The following CNOT4 variants were observed in gnomAD, a reference collection of about 807,000 sequenced individuals.
CNOT4 encodes CCR4-NOT transcription complex subunit 4, also known as CCR4-associated factor 4.
CNOT4 carries 8 observed loss-of-function variants against 73.8 expected under a neutral mutation model. The ratio of observed to expected loss-of-function variants is 0.11; its 90% confidence interval spans 0.06 to 0.20. The LOEUF (loss-of-function observed/expected upper bound fraction) is 0.20, where lower values mean the gene tolerates loss of function less well. CNOT4 is among the 10% of genes least tolerant of loss of function. The pLI, the probability that CNOT4 is intolerant of heterozygous loss-of-function variation, is 1.00. For synonymous variants in CNOT4, 293 were observed against 321.1 expected (o/e 0.91, Z 0.94); for missense variants, 564 against 883.4 (o/e 0.64, Z 4.58).
chr7:135,443,539 A>G (rs993577779), intron 1 of CNOT4, among the ~76,000 whole-genome samples: 1 of 151,948 alleles, frequency 6.6e-6, no homozygotes, highest in Non-Finnish European at 1.5e-5. Flanking sequence ...ACGATTACTG[A>G]TGTTGGAGCT....
intron 10 of CNOT4, among the ~76,000 whole-genome samples, chr7:135,380,178 AAC>A (rs890263949): frequency 2.0e-5 from 3 of 152,156 alleles, no homozygotes; most frequent in African/African-American, 7.2e-5. Context: ...TATATGGTGT[AAC>A]ACAGAGTAGC....
At chr7:135,440,458 A>G (rs994144453) in intron 1 of CNOT4, among the ~76,000 whole-genome samples, 1 of 152,108 alleles carries the variant, frequency 6.6e-6, no homozygotes, top group Non-Finnish European at 1.5e-5. Flanking sequence ...TTTTGCCTTA[A>G]GTTACACACT....
chr7:135,439,320 T>G (rs1489449275), intron 1 of CNOT4, among the ~76,000 whole-genome samples: 1 of 152,158 alleles, frequency 6.6e-6, no homozygotes, highest in African/African-American at 2.4e-5. Context: ...AAAGGTTACA[T>G]ACAAGAATAA....
chr7:135,469,204 A>G (rs1801418546), intron 1 of CNOT4, among the ~76,000 whole-genome samples: 1 of 152,126 alleles, frequency 6.6e-6, no homozygotes, highest in Non-Finnish European at 1.5e-5. Flanking sequence ...AGTATCTAGT[A>G]TATACATCAG....
At chr7:135,407,702 T>TC (rs1307042735) in intron 7 of CNOT4, among the ~76,000 whole-genome samples, 1 of 151,050 alleles carries the variant, frequency 6.6e-6, no homozygotes, top group African/African-American at 2.4e-5. Flanking sequence ...TGTTTTTGTT[T>TC]TTTGTAGAGG....
At chr7:135,508,679 A>C (rs1452248977) in intron 1 of CNOT4, among the ~76,000 whole-genome samples, 1 of 152,264 alleles carries the variant, frequency 6.6e-6, no homozygotes, top group Non-Finnish European at 1.5e-5. Flanking sequence ...TCATCAATTA[A>C]GCTGAACATC....
chr7:135,500,062 C>T (rs1217567651), intron 1 of CNOT4, among the ~76,000 whole-genome samples: 1 of 152,162 alleles, frequency 6.6e-6, no homozygotes, highest in Admixed American at 6.5e-5. Flanking sequence ...TACTATGTTG[C>T]ATCATCTTAA....
chr7:135,492,018 C>A (rs768307338), intron 1 of CNOT4, among the ~76,000 whole-genome samples: 1 of 152,152 alleles, frequency 6.6e-6, no homozygotes, highest in African/African-American at 2.4e-5. Flanking sequence ...TCAATACATA[C>A]ATGTGGTGGC....
chr7:135,413,733 A>G (rs975663403), intron 5 of CNOT4, 120 bp from the exon 6 acceptor site: 1 of 853,680 alleles, frequency 1.2e-6, no homozygotes, highest in African/African-American at 1.7e-5. Flanking sequence ...GACAAAACAA[A>G]AAGTATGGCT....
At chr7:135,371,032 T>C (rs931546973) in intron 10 of CNOT4, among the ~76,000 whole-genome samples, 30 of 152,358 alleles carry the variant, frequency 2.0e-4, no homozygotes, top group African/African-American at 7.0e-4. Context: ...CTAAGATATA[T>C]TCTACCCATT....
chr7:135,362,515 G>C lies in CNOT4; in HGVS notation c.*370C>G. ...TCTGCAGTTGATAATGCATTTACTT[G>C]AGCTTTCCTATAGATTAATCGTCAT... On this transcript the variant is annotated 3_prime_UTR_variant, in exon 12 of 12. Transcript: ENST00000541284. The C allele has an allele frequency of 2.8e-6, 1 of 361,218 alleles. No homozygotes were observed. The highest frequency in any genetic ancestry group is 2.4e-5 in the South Asian group (1 of 41,096). The allele number at this position is 361,218 out of a possible 1,614,324, so 22.4% of individuals were successfully genotyped here. A position where few individuals can be genotyped will look rare whatever the true frequency, so the allele number is the denominator to read the frequency against.
intron 10 of CNOT4, chr7:135,387,821 T>C (rs1585567512): frequency 7.1e-6 from 7 of 980,370 alleles, no homozygotes; most frequent in Non-Finnish European, 8.5e-6. Context: ...TGATTAAAAT[T>C]ATCTGTTACA....
At chr7:135,468,684 C>CA (rs34174386) in intron 1 of CNOT4, among the ~76,000 whole-genome samples, 64,093 of 124,506 alleles carry the variant, frequency 0.51, 15,593 homozygotes, top group East Asian at 0.69. Context: ...GACTCTGTCT[C>CA]AAAAAAAAAA....
At chr7:135,455,869 A>ACAAC (rs1800494548) in intron 1 of CNOT4, among the ~76,000 whole-genome samples, 1 of 152,224 alleles carries the variant, frequency 6.6e-6, no homozygotes, top group Non-Finnish European at 1.5e-5. Flanking sequence ...CTGTCTCAAA[A>ACAAC]AAACAAACAA....
chr7:135,479,450 C>A (rs1437329168), intron 1 of CNOT4, among the ~76,000 whole-genome samples: 2 of 151,676 alleles, frequency 1.3e-5, no homozygotes, highest in Admixed American at 1.3e-4. Flanking sequence ...ACCTTGTGAT[C>A]CGCCCGCCTC....
chr7:135,429,768 G>T (rs1191119673), intron 2 of CNOT4, among the ~76,000 whole-genome samples: 2 of 152,122 alleles, frequency 1.3e-5, no homozygotes, highest in Admixed American at 6.5e-5. Flanking sequence ...GAAGAAACAG[G>T]CAATGAACAG....
intron 10 of CNOT4, among the ~76,000 whole-genome samples, chr7:135,366,193 T>C (rs148463926): frequency 1.3e-5 from 2 of 152,278 alleles, no homozygotes; most frequent in Admixed American, 6.5e-5. Flanking sequence ...GAATATCCCA[T>C]AACTCAGAAC....
At chr7:135,504,411 T>C (rs1006541366) in intron 1 of CNOT4, among the ~76,000 whole-genome samples, 1 of 147,744 alleles carries the variant, frequency 6.8e-6, no homozygotes, top group African/African-American at 2.5e-5. Flanking sequence ...TTCTCCTGCC[T>C]CAGCCTCCCG....
chr7:135,478,827 T>C (rs1802165556), intron 1 of CNOT4, among the ~76,000 whole-genome samples: 1 of 152,274 alleles, frequency 6.6e-6, no homozygotes, highest in African/African-American at 2.4e-5. Context: ...ATAAGGTTGG[T>C]AGAGGCACTT....
Sources: allele counts gnomAD v4.1 joint callset (sites outside exome capture counted in the v4.1 genomes callset), GRCh38; gene constraint gnomAD v4.1.1; transcripts MANE v1.5; gene names NCBI Gene and HGNC (gene_info 2026-07-23, HGNC 2026-07-21).